Variants in RORA observed in about 807,000 individuals in gnomAD.
RORA encodes nuclear receptor ROR-alpha.
RORA carries 7 observed loss-of-function variants against 69.5 expected under a neutral mutation model. That is an observed-to-expected ratio of 0.10 (90% CI 0.06 to 0.19). RORA has a LOEUF of 0.19. Among genes scored for constraint, RORA ranks in the 10% least tolerant of loss-of-function variants. RORA has a pLI of 1.00. For synonymous variants in RORA, 261 were observed against 240.8 expected (o/e 1.08, Z -0.78); for missense variants, 457 against 663.0 (o/e 0.69, Z 3.41).
intron 1 of RORA, among the ~76,000 whole-genome samples, chr15:61,144,210 G>A (rs1324262049): frequency 6.6e-6 from 1 of 152,188 alleles, no homozygotes; most frequent in Non-Finnish European, 1.5e-5. Flanking sequence ...AGGAAGGAAA[G>A]GAGCCAGGAC....
At chr15:60,625,863 A>G (rs528424806) in intron 2 of RORA, among the ~76,000 whole-genome samples, 30 of 152,378 alleles carry the variant, frequency 2.0e-4, no homozygotes, top group African/African-American at 7.0e-4. Context: ...TACCTTTTGA[A>G]TATTGTATCA....
chr15:60,751,347 C>G (rs889995059), intron 1 of RORA, among the ~76,000 whole-genome samples: 2 of 152,154 alleles, frequency 1.3e-5, no homozygotes, highest in Admixed American at 6.5e-5. Context: ...TAGCAGGAAA[C>G]GGATCACCAT....
intron 2 of RORA, among the ~76,000 whole-genome samples, chr15:60,536,283 T>C (rs557787091): frequency 9.8e-5 from 15 of 152,344 alleles, no homozygotes; most frequent in Admixed American, 9.2e-4. Flanking sequence ...CATCACATAG[T>C]TCTTAGAAAT....
intron 1 of RORA, among the ~76,000 whole-genome samples, chr15:61,055,939 A>T (rs1198654898): frequency 1.3e-5 from 2 of 152,198 alleles, no homozygotes; most frequent in African/African-American, 2.4e-5. Context: ...GGTCAAGGTA[A>T]CTAGTGTTAT....
intron 1 of RORA, among the ~76,000 whole-genome samples, chr15:61,003,220 C>T (rs146713008): frequency 6.6e-6 from 1 of 151,974 alleles, no homozygotes; most frequent in East Asian, 1.9e-4. Context: ...ATTATATAGG[C>T]TATATAGTAT....
At chr15:60,888,139 T>G (rs1233956734) in intron 1 of RORA, among the ~76,000 whole-genome samples, 1 of 152,214 alleles carries the variant, frequency 6.6e-6, no homozygotes, top group Non-Finnish European at 1.5e-5. Context: ...CGGCCACGGA[T>G]GCTGTCTCAT....
At chr15:60,576,803 A>G (rs1353125521) in intron 2 of RORA, among the ~76,000 whole-genome samples, 2 of 152,214 alleles carry the variant, frequency 1.3e-5, no homozygotes, top group African/African-American at 2.4e-5. Context: ...ACACACAGTG[A>G]TAAAATTCTC....
intron 2 of RORA, among the ~76,000 whole-genome samples, chr15:60,594,040 A>G (rs956480627): frequency 6.6e-6 from 1 of 152,220 alleles, no homozygotes; most frequent in African/African-American, 2.4e-5. Context: ...ATGGCTTTAT[A>G]AAAGTTTGAT....
intron 1 of RORA, among the ~76,000 whole-genome samples, chr15:60,847,199 G>GA (rs928288122): frequency 2.0e-5 from 3 of 152,084 alleles, no homozygotes; most frequent in East Asian, 1.9e-4. Context: ...AAAGAAATGG[G>GA]AAAAAAATCG....
chr15:60,948,869 G>A (rs999392716), intron 1 of RORA, among the ~76,000 whole-genome samples: 1 of 152,214 alleles, frequency 6.6e-6, no homozygotes, highest in Non-Finnish European at 1.5e-5. Context: ...AAGGATGGAT[G>A]CAGAAGAGAC....
chr15:61,132,107 A>T (rs1463744868), intron 1 of RORA, among the ~76,000 whole-genome samples: 3 of 152,206 alleles, frequency 2.0e-5, no homozygotes, highest in Non-Finnish European at 4.4e-5. Context: ...TTGCTCACTA[A>T]TCTATCTATT....
intron 1 of RORA, among the ~76,000 whole-genome samples, chr15:60,857,343 C>T (rs1221204646): frequency 2.0e-5 from 3 of 152,034 alleles, no homozygotes; most frequent in African/African-American, 4.8e-5. Flanking sequence ...CAAGTTCCCA[C>T]GAAGAAGCCC....
In RORA at chr15:60,961,377, C is replaced by T. The variant is rs139752419; in HGVS notation, c.166+267676G>A. The stretch of plus-strand genomic sequence containing the variant: ...TCCTATAAAGGCATTGCTCCAGCCT[C>T]AATCTTCCCACCTGAGATACAGGTA... On this transcript the variant is annotated intron_variant, in intron 1 of 10. Transcript: ENST00000335670. Among the ~76,000 whole-genome samples, 277 of 152,302 alleles carry T rather than the reference C, an allele frequency of 1.8e-3. 2 individuals are homozygous for T. Among genetic ancestry groups the T allele is most frequent in the African/African-American group, 6.5e-3 (270 of 41,572 alleles).
At chr15:60,589,199 T>A (rs547581439) in intron 2 of RORA, among the ~76,000 whole-genome samples, 2 of 152,210 alleles carry the variant, frequency 1.3e-5, no homozygotes, top group Non-Finnish European at 2.9e-5. Flanking sequence ...GAATTCTAAT[T>A]TCATTTCGTA....
chr15:61,117,617 T>C (rs2079062393), intron 1 of RORA, among the ~76,000 whole-genome samples: 1 of 152,230 alleles, frequency 6.6e-6, no homozygotes, highest in Non-Finnish European at 1.5e-5. Context: ...GACTGCTAAA[T>C]GTGTTTGAGG....
At chr15:61,145,691 A>T (rs2079339434) in intron 1 of RORA, among the ~76,000 whole-genome samples, 1 of 152,076 alleles carries the variant, frequency 6.6e-6, no homozygotes, top group Admixed American at 6.5e-5. Flanking sequence ...TCCACTCATA[A>T]CCCTTTTCCT....
intron 1 of RORA, among the ~76,000 whole-genome samples, chr15:60,864,409 C>G (rs1489838458): frequency 2.0e-5 from 3 of 151,744 alleles, no homozygotes; most frequent in Non-Finnish European, 4.4e-5. Context: ...TTTTATTGGC[C>G]ATAATTTTTC....
chr15:60,542,445 A>ACAT (rs1567072882), intron 2 of RORA, among the ~76,000 whole-genome samples: 4 of 142,018 alleles, frequency 2.8e-5, no homozygotes, highest in African/African-American at 1.2e-4. Flanking sequence ...CTCACAGCAC[A>ACAT]GCACACAGGC....
intron 1 of RORA, among the ~76,000 whole-genome samples, chr15:60,861,626 C>G (rs2073436667): frequency 6.6e-6 from 1 of 152,174 alleles, no homozygotes; most frequent in South Asian, 2.1e-4. Context: ...GTACCTGAGA[C>G]TACAGGTGCG....
Sources: allele counts gnomAD v4.1 joint callset (sites outside exome capture counted in the v4.1 genomes callset), GRCh38; gene constraint gnomAD v4.1.1; transcripts MANE v1.5; gene names NCBI Gene and HGNC (gene_info 2026-07-23, HGNC 2026-07-21).